The following MCPH1 variants were observed in gnomAD, a reference collection of about 807,000 sequenced individuals.
MCPH1 encodes microcephalin 1.
MCPH1 carries 104 observed loss-of-function variants against 84.5 expected under a neutral mutation model. That is an observed-to-expected ratio of 1.23 (90% CI 1.05 to 1.45). MCPH1 has a LOEUF of 1.45. MCPH1 is among the 40% of genes most tolerant of loss of function. The pLI, the probability that MCPH1 is intolerant of heterozygous loss-of-function variation, is 0.00. For synonymous variants in MCPH1, 514 were observed against 366.8 expected (o/e 1.40, Z -4.58); for missense variants, 1,498 against 1,005.7 (o/e 1.49, Z -6.62).
At chr8:6,611,145 C>CACAG (rs376426293) in intron 12 of MCPH1, among the ~76,000 whole-genome samples, 42 of 152,182 alleles carry the variant, frequency 2.8e-4, no homozygotes, top group African/African-American at 9.6e-4. Context: ...CACACACACA[C>CACAG]ACACTCAGAA....
At chr8:6,637,125 C>G (rs185567268) in intron 13 of MCPH1, among the ~76,000 whole-genome samples, 2 of 152,338 alleles carry the variant, frequency 1.3e-5, no homozygotes, top group East Asian at 3.9e-4. Flanking sequence ...TAGATATTTC[C>G]TACACACTCG....
intron 11 of MCPH1, among the ~76,000 whole-genome samples, chr8:6,495,679 T>C (rs1811145630): frequency 6.6e-6 from 1 of 152,228 alleles, no homozygotes; most frequent in African/African-American, 2.4e-5. Context: ...CATAAACACC[T>C]ACAACCACAC....
At chr8:6,485,179 G>A (rs1167295659) in intron 11 of MCPH1, among the ~76,000 whole-genome samples, 1 of 152,062 alleles carries the variant, frequency 6.6e-6, no homozygotes, top group Non-Finnish European at 1.5e-5. Flanking sequence ...AGAAAAATTA[G>A]CTGGGCACGG....
chr8:6,477,532 G>T, intron 9 of MCPH1, 62 bp from the exon 10 acceptor site: 1 of 1,461,494 alleles, frequency 6.8e-7, no homozygotes. Context: ...GTTTATTTCT[G>T]TGGGAAAAAT....
intron 2 of MCPH1, among the ~76,000 whole-genome samples, chr8:6,413,666 A>G (rs1798843769): frequency 1.3e-5 from 2 of 151,012 alleles, no homozygotes; most frequent in African/African-American, 4.9e-5. Flanking sequence ...AAATTTTTTT[A>G]CTTATGTCAT....
intron 1 of MCPH1, chr8:6,407,278 T>G (rs1477595467): frequency 6.2e-6 from 1 of 161,274 alleles, no homozygotes; most frequent in South Asian, 1.7e-4. Context: ...TGCGGAGTCT[T>G]TGTGTGCCAG....
intron 11 of MCPH1, among the ~76,000 whole-genome samples, chr8:6,499,120 A>C (rs544918863): frequency 1.3e-5 from 2 of 152,042 alleles, no homozygotes; most frequent in East Asian, 3.9e-4. Context: ...TGAATTGTAT[A>C]ATCCAGCTTT....
chr8:6,596,535 C>G (rs527425373), intron 12 of MCPH1, among the ~76,000 whole-genome samples: 2 of 152,204 alleles, frequency 1.3e-5, no homozygotes, highest in South Asian at 2.1e-4. Flanking sequence ...TAGGAGATGA[C>G]CCAGCACAAT....
At chr8:6,503,169 A>T in intron 12 of MCPH1, 1 of 1,614,152 alleles carries the variant, frequency 6.2e-7, no homozygotes. Flanking sequence ...TTCCAGTAGT[A>T]CCATTTAATG....
At chr8:6,610,249 G>T (rs1830147343) in intron 12 of MCPH1, among the ~76,000 whole-genome samples, 1 of 152,180 alleles carries the variant, frequency 6.6e-6, no homozygotes, top group African/African-American at 2.4e-5. Context: ...TGCAAGAGCT[G>T]GGATGCAGAC....
chr8:6,596,135 G>A (rs911536633), intron 12 of MCPH1, among the ~76,000 whole-genome samples: 5 of 152,112 alleles, frequency 3.3e-5, no homozygotes, highest in African/African-American at 1.2e-4. Context: ...GCTGAACACC[G>A]TAAGCCACGT....
intron 12 of MCPH1, among the ~76,000 whole-genome samples, chr8:6,540,434 G>T (rs1821333625): frequency 1.3e-5 from 2 of 152,306 alleles, no homozygotes; most frequent in South Asian, 4.1e-4. Context: ...TATGCAAAAG[G>T]TGTCACATTT....
intron 4 of MCPH1, among the ~76,000 whole-genome samples, chr8:6,433,822 C>G (rs116721006): frequency 1.4e-3 from 213 of 152,100 alleles, no homozygotes; most frequent in African/African-American, 4.9e-3. Flanking sequence ...AAACCCGACT[C>G]AAGGCCTTAT....
chr8:6,647,930 A>ATTTTT lies in MCPH1; in HGVS notation c.*4881_*4882insTTTTT, dbSNP rs1798292564. 1 of 142,864 alleles carries ATTTTT rather than the reference A, an allele frequency of 7.0e-6. No individual in the cohort carries two copies. Among genetic ancestry groups the ATTTTT allele is most frequent in the Non-Finnish European group, 1.6e-5 (1 of 62,446 alleles). 8.8% of individuals were successfully genotyped at this position (142,864 alleles called of 1,614,324 possible). On this transcript the variant is annotated 3_prime_UTR_variant, in exon 14 of 14. Coordinates refer to ENST00000344683, the MANE Select transcript of MCPH1 (RefSeq NM_024596.5). ...CACCAATAAAGCTATTTTTTTTAAA[A>ATTTTT]AAAAGAGAGAGAGAGAACGAGAGCT...
chr8:6,477,879 T>A (rs1808686253), intron 10 of MCPH1, among the ~76,000 whole-genome samples: 1 of 152,256 alleles, frequency 6.6e-6, no homozygotes, highest in Admixed American at 6.5e-5. Context: ...GTTCTTTTGC[T>A]TGCTTGATAC....
intron 12 of MCPH1, among the ~76,000 whole-genome samples, chr8:6,577,420 G>A (rs1827211633): frequency 1.3e-5 from 2 of 152,234 alleles, no homozygotes; most frequent in Non-Finnish European, 2.9e-5. Flanking sequence ...TCGTCCTGGG[G>A]TAAACACATT....
intron 12 of MCPH1, among the ~76,000 whole-genome samples, chr8:6,568,593 C>T (rs1367863918): frequency 6.6e-6 from 1 of 152,206 alleles, no homozygotes; most frequent in African/African-American, 2.4e-5. Context: ...TGTACCATCC[C>T]AGCAATGCAT....
intron 3 of MCPH1, among the ~76,000 whole-genome samples, chr8:6,425,320 A>T (rs1321985582): frequency 6.6e-6 from 1 of 152,246 alleles, no homozygotes; most frequent in East Asian, 1.9e-4. Context: ...TTATCATTTT[A>T]CATTTCTGAA....
At chr8:6,518,815 T>C (rs1432898349) in intron 12 of MCPH1, among the ~76,000 whole-genome samples, 1 of 152,194 alleles carries the variant, frequency 6.6e-6, no homozygotes, top group Admixed American at 6.5e-5. Context: ...AGTTATCCAG[T>C]AGTTACATAA....
Sources: gnomAD v4.1 joint callset for allele counts (sites outside exome capture counted in the v4.1 genomes callset) on GRCh38, gnomAD v4.1.1 for gene constraint, MANE v1.5 for transcripts, NCBI Gene and HGNC (gene_info 2026-07-23, HGNC 2026-07-21) for gene names.